The following AIFM3 variants were observed in gnomAD, a reference collection of about 807,000 sequenced individuals.
The protein encoded by AIFM3 is apoptosis-inducing factor 3.
Under a neutral mutation model 82.7 loss-of-function variants are expected in AIFM3, and 71 were observed. That is an observed-to-expected ratio of 0.86 (90% CI 0.71 to 1.05). The LOEUF is 1.05. Among genes scored for constraint, AIFM3 ranks in the 50% least tolerant of loss-of-function variants. The probability of loss-of-function intolerance (pLI) is 0.00; values close to 1 mark genes in which losing one functional copy is unlikely to be tolerated. For missense variants in AIFM3, 748 were observed against 816.7 expected, an observed-to-expected ratio of 0.92 and a Z score of 1.03; for synonymous variants, 337 against 329.1, an observed-to-expected ratio of 1.02 and a Z score of -0.26.
At chr22:20,977,663 G>A (rs751403690) in intron 14 of AIFM3, 37 bp from the exon 15 acceptor site, 6 of 1,612,578 alleles carry the variant, frequency 3.7e-6, no homozygotes, top group South Asian at 2.2e-5. Context: ...GCAGAAGGCA[G>A]GGACAGGGGA....
At chr22:20,980,891 G>A (rs1924067744) in intron 20 of AIFM3, 101 bp from the exon 21 acceptor site, 3 of 1,603,834 alleles carry the variant, frequency 1.9e-6, no homozygotes, top group Non-Finnish European at 2.6e-6. Context: ...GTCTGGCACA[G>A]AACAGACCCC....
chr22:20,973,832 A>G lies in AIFM3; in HGVS notation c.320A>G (p.His107Arg), dbSNP rs770691793. Residue 107 changes from histidine to arginine, a missense_variant, in exon 4 of 21, where the codon CAT (histidine) becomes CGT (arginine). This residue lies in a region of AIFM3 where 148 missense variants were observed against 134.1 expected (regional missense o/e 1.10). Coordinates refer to ENST00000440238, the MANE Select transcript of AIFM3 (RefSeq NM_001386814.1). ...KDNGEFHALGHKCPHYGAPLV... is the reference protein window; with the variant it reads ...KDNGEFHALGRKCPHYGAPLV... ...AATGGGGAGTTCCACGCCCTGGGCC[A>G]TAAGTGTCCGCACTACGGCGCACCC... is the stretch of plus-strand genomic sequence containing the variant. The G allele has an allele frequency of 5.3e-5, 83 of 1,575,296 alleles. No homozygotes were observed. The highest frequency in any genetic ancestry group is 7.0e-5 in the Non-Finnish European group (81 of 1,160,304).
chr22:20,980,764 G>C lies in AIFM3; in HGVS notation c.1775G>C (p.Ser592Thr). Residue 592 changes from serine (S) to threonine (T), a missense_variant, in exon 20 of 21, where the codon AGC becomes ACC. By Grantham distance (58) the Ser-to-Thr change is moderately conservative. Around this residue, in one of 5 missense-constraint regions of AIFM3, gnomAD observed 183 missense variants for 158.2 expected, o/e 1.16. Coordinates refer to ENST00000440238, the MANE Select transcript of AIFM3 (RefSeq NM_001386814.1). ...TCGTGAAGGCTGTTTGTGCTGCACAGCAAGTACGTGTGTCCTTCATGTTGA... is the reference window on the plus strand; with the variant it reads ...TCGTGAAGGCTGTTTGTGCTGCACACCAAGTACGTGTGTCCTTCATGTTGA... ...KREVELFVLH[S>T]KTGDMSWLTG... 6.2e-7 allele frequency: 1 copy of C among 1,614,194 alleles called. No individual in the cohort carries two copies. Among genetic ancestry groups the C allele is most frequent in the Non-Finnish European group, 8.5e-7 (1 of 1,180,020 alleles).
rs765969156 is a variant in AIFM3, at chr22:20,973,552, C to T, written c.245+32C>T. 4.4e-6 allele frequency: 7 copies of T among 1,588,432 alleles called. No individual in the cohort carries two copies. In the East Asian group the frequency reaches 1.1e-4, roughly 26 times the overall value. ...TCTGGGCTTGCCTGGGAGCGGGGAT[C>T]AGGGGTCCCAAGGTGGGAGGGTGAG... On this transcript the variant is annotated intron_variant, in intron 3 of 20. Coordinates refer to ENST00000440238, the MANE Select transcript of AIFM3 (RefSeq NM_001386814.1).
In AIFM3 at chr22:20,973,821, C is replaced by T. The variant is rs552413450; in HGVS notation, c.309C>T (p.His103=). The change falls in exon 4 of 21, where the codon CAC becomes CAT. Residue 103 remains histidine, a synonymous_variant. Coordinates refer to ENST00000440238, the MANE Select transcript of AIFM3 (RefSeq NM_001386814.1). ...TGGTGAAGGACAATGGGGAGTTCCA[C>T]GCCCTGGGCCATAAGTGTCCGCACT... ...VLLVKDNGEF[H]ALGHKCPHYG... The T allele has an allele frequency of 1.0e-5, 16 of 1,580,714 alleles. No individual in the cohort carries two copies. The highest frequency in any genetic ancestry group is 8.1e-5 in the African/African-American group (6 of 74,456).
chr22:20,981,271 C>T lies in AIFM3; in HGVS notation c.*240C>T, dbSNP rs115986263. On this transcript the variant is annotated 3_prime_UTR_variant, in exon 21 of 21. Coordinates refer to ENST00000440238, the MANE Select transcript of AIFM3 (RefSeq NM_001386814.1). ...GCACTGGAGGCAGGACAAGCCCTGC[C>T]TCTTCTCCCTCTATTGGGACTGGTC... The T allele has an allele frequency of 5.8e-4, 335 of 573,150 alleles. 1 individual carries two copies. The highest frequency in any genetic ancestry group is 5.7e-3 in the African/African-American group (303 of 53,332). 35.5% of individuals were successfully genotyped at this position (573,150 alleles called of 1,614,324 possible).
At chr22:20,980,611 G>A (rs1252402238) in intron 19 of AIFM3, 136 bp from the exon 20 acceptor site, 3 of 1,093,930 alleles carry the variant, frequency 2.7e-6, no homozygotes, top group Admixed American at 1.7e-5. Context: ...ACTGGGGACA[G>A]CCTGGAGGCC....
intron 2 of AIFM3, 85 bp from the exon 3 acceptor site, chr22:20,973,222 G>T: frequency 2.0e-6 from 3 of 1,475,990 alleles, no homozygotes; most frequent in Non-Finnish European, 2.8e-6. Context: ...CTGGCACCCC[G>T]AGGAGCTGGC....
chr22:20,979,819 C>G (rs767359451), intron 18 of AIFM3, 117 bp downstream of exon 18: 227 of 1,344,358 alleles, frequency 1.7e-4, no homozygotes, highest in Non-Finnish European at 1.9e-4. Flanking sequence ...CTGAGGAGTG[C>G]TGGAGCTTCC....
chr22:20,977,964 G>A lies in AIFM3; in HGVS notation c.1436G>A (p.Arg479His), dbSNP rs747011410. Residue 479 changes from arginine (R) to histidine (H), a missense_variant, in exon 16 of 21, where the codon CGC becomes CAC. Arg to His is a conservative substitution (Grantham distance 29). This residue lies in a region of AIFM3 where 393 missense variants were observed against 481.1 expected (regional missense o/e 0.82). Coordinates refer to ENST00000440238, the MANE Select transcript of AIFM3 (RefSeq NM_001386814.1). ...TTCCCCCTTGCCTGGAGGAACAACC[G>A]CAAAGTGAACATTCCACATTGGCAG... The part of the protein sequence containing the change: ...VTFPLAWRNN[R>H]KVNIPHWQMA... 80 of 1,614,154 alleles carry A rather than the reference G, an allele frequency of 5.0e-5. No individual in the cohort carries two copies. The highest frequency in any genetic ancestry group is 5.9e-5 in the Non-Finnish European group (70 of 1,180,016).
At chr22:20,979,868 T>C (rs988569926) in intron 18 of AIFM3, 152 bp from the exon 19 acceptor site, 13 of 1,135,368 alleles carry the variant, frequency 1.1e-5, no homozygotes, top group Admixed American at 1.1e-4. Context: ...CAAGCCGCGA[T>C]GTGCAAAGCA....
In AIFM3 at chr22:20,981,012, T is replaced by G. The variant is rs767385038; in HGVS notation, c.1799T>G (p.Leu600Arg). 3.1e-6 allele frequency: 5 copies of G among 1,614,208 alleles called. No individual in the cohort carries two copies. Among genetic ancestry groups the G allele is most frequent in the Non-Finnish European group, 2.5e-6 (3 of 1,180,028 alleles). Residue 600 changes from leucine (L) to arginine (R), a missense_variant, in exon 21 of 21, where the codon CTT becomes CGT. By Grantham distance (102) the Leu-to-Arg change is moderately radical (BLOSUM62 -2). This residue lies in a region of AIFM3 where 183 missense variants were observed against 158.2 expected (regional missense o/e 1.16). Transcript: ENST00000440238. ...LHSKTGDMSW[L>R]TGKGS ...TGCAGGACTGGCGACATGTCCTGGC[T>G]TACGGGGAAAGGATCCTGAGCTCAC...
At position 20,979,302 on chromosome 22, in the gene AIFM3, G is replaced by T; in HGVS notation, c.1509G>T (p.Gln503His). 6.4e-7 allele frequency: 1 copy of T among 1,560,404 alleles called. No individual in the cohort carries two copies. Among genetic ancestry groups the T allele is most frequent in the South Asian group, 1.2e-5 (1 of 84,738 alleles). ...GRVAAQNMLA[Q>H]EAEMSTVPYL... Reference sequence around the variant, plus strand: ...TGGCAGCCCAGAACATGTTGGCGCAGGAGGCGGAGATGAGCACTGTGCCCT... The same window carrying T: ...TGGCAGCCCAGAACATGTTGGCGCATGAGGCGGAGATGAGCACTGTGCCCT... Residue 503 changes from glutamine (Q) to histidine (H), a missense_variant, in exon 17 of 21, where the codon CAG becomes CAT. Gln to His is a conservative substitution (Grantham distance 24). Around this residue, in one of 5 missense-constraint regions of AIFM3, gnomAD observed 183 missense variants for 158.2 expected, o/e 1.16. Coordinates refer to ENST00000440238, the MANE Select transcript of AIFM3 (RefSeq NM_001386814.1).
At position 20,967,802 on chromosome 22, in the gene AIFM3, C is replaced by A; in HGVS notation, c.-140-3C>A. On this transcript the variant is annotated splice_region_variant and splice_polypyrimidine_tract_variant and intron_variant, in intron 1 of 20. Transcript: ENST00000440238. ...GTCCTGATGGCTCCAGTCTCCCCTG[C>A]AGGTCCTAGAGCAGCTCCAGCAGGA... 1 of 835,018 alleles carries A rather than the reference C, an allele frequency of 1.2e-6. No homozygotes were observed. The highest frequency in any genetic ancestry group is 1.9e-5 in the Admixed American group (1 of 53,676). 51.7% of individuals were successfully genotyped at this position (835,018 alleles called of 1,614,324 possible). A position where few individuals can be genotyped will look rare whatever the true frequency, so the allele number is the denominator to read the frequency against.
rs1299580137 is a variant in AIFM3 at position 20,981,102 on chromosome 22, C to T, written c.*71C>T. On this transcript the variant is annotated 3_prime_UTR_variant, in exon 21 of 21. Transcript: ENST00000440238. ...ACAGGCCAAGCCTTGGGGGCAGGTG[C>T]CAATCTCCAGTCCCAGGATCCCCCA... The T allele has an allele frequency of 6.3e-7, 1 of 1,597,078 alleles. No individual in the cohort carries two copies. Among genetic ancestry groups the T allele is most frequent in the Non-Finnish European group, 8.6e-7 (1 of 1,169,150 alleles).
At position 20,979,299 on chromosome 22, in the gene AIFM3, G is replaced by A. The variant is rs1235299596; in HGVS notation, c.1506G>A (p.Ala502=). ...QGRVAAQNML[A]QEAEMSTVPY... ...GCGTGGCAGCCCAGAACATGTTGGC[G>A]CAGGAGGCGGAGATGAGCACTGTGC... The change falls in exon 17 of 21, where the codon GCG becomes GCA. Residue 502 remains alanine (A), a synonymous_variant. Transcript: ENST00000440238. The A allele has an allele frequency of 2.6e-6, 4 of 1,559,784 alleles. No individual in the cohort carries two copies. The highest frequency in any genetic ancestry group is 1.2e-5 in the South Asian group (1 of 84,702).
rs1601710534 is a variant in AIFM3, at chr22:20,979,428, T to C, written c.1576+59T>C. ...AGGGCGTTTAGGGGCGGGGCTTGGG[T>C]GTGGGGCGGGGCTGGGAGCCTAGGG... On this transcript the variant is annotated intron_variant, in intron 17 of 20. Coordinates refer to ENST00000440238, the MANE Select transcript of AIFM3 (RefSeq NM_001386814.1). 10 of 1,384,670 alleles carry C rather than the reference T, an allele frequency of 7.2e-6. 1 individual carries two copies. The highest frequency in any genetic ancestry group is 6.4e-5 in the South Asian group (5 of 78,604). The allele number at this position is 1,384,670 out of a possible 1,614,324, so 85.8% of individuals were successfully genotyped here.
Position 20,973,491 on chromosome 22 carries a change from C to G in AIFM3, c.216C>G (p.Val72=). The part of the protein sequence containing the change: ...PSPQDCVEAA[V]CHVKDLENGQ... ...CTCAGGATTGCGTGGAGGCTGCTGT[C>G]TGCCACGTCAAGGACCTCGAGAATG... is the stretch of plus-strand genomic sequence containing the variant. Residue 72 remains valine (V), a synonymous_variant, in exon 3 of 21, where the codon GTC becomes GTG. Transcript: ENST00000440238. 1 of 1,612,762 alleles carries G rather than the reference C, an allele frequency of 6.2e-7. No individual in the cohort carries two copies. Among genetic ancestry groups the G allele is most frequent in the Non-Finnish European group, 8.5e-7 (1 of 1,179,964 alleles).
At position 20,974,285 on chromosome 22, in the gene AIFM3, G is replaced by A. The variant is rs1601704409; in HGVS notation, c.499G>A (p.Ala167Thr). The change falls in exon 6 of 21, where the codon GCC becomes ACC. Residue 167 changes from alanine (A) to threonine (T), a missense_variant. Ala to Thr is a moderately conservative substitution (Grantham distance 58). Transcript: ENST00000440238. ...KIEKEKVYVR[A>T]SKQALQLQRR... Reference sequence around the variant, plus strand: ...TGAGAAGGAGAAGGTGTACGTCCGGGCCAGCAAGCAGGTGAGGGGATAGCT... The same window carrying A: ...TGAGAAGGAGAAGGTGTACGTCCGGACCAGCAAGCAGGTGAGGGGATAGCT... 2 of 1,613,734 alleles carry A rather than the reference G, an allele frequency of 1.2e-6. No homozygotes were observed. Among genetic ancestry groups the A allele is most frequent in the Non-Finnish European group, 1.7e-6 (2 of 1,179,984 alleles).
Sources: allele counts gnomAD v4.1 joint callset, GRCh38; gene constraint gnomAD v4.1.1; regional missense constraint gnomAD v4.1.1; transcripts MANE v1.5; gene names NCBI Gene and HGNC (gene_info 2026-07-23, HGNC 2026-07-21).